The following MED27 variants were observed in gnomAD, a reference collection of about 807,000 sequenced individuals.
MED27 encodes the protein mediator of RNA polymerase II transcription subunit 27.
MED27 carries 30 observed loss-of-function variants against 38.2 expected under a neutral mutation model. The observed-to-expected ratio is 0.79, with a 90% confidence interval of 0.59 to 1.07. MED27 has a LOEUF of 1.07. MED27 is among the 50% of genes least tolerant of loss of function. MED27 has a pLI of 0.00. For missense variants in MED27, 289 were observed against 397.5 expected, an observed-to-expected ratio of 0.73 and a Z score of 2.32; for synonymous variants, 122 against 153.5, an observed-to-expected ratio of 0.79 and a Z score of 1.52.
At chr9:132,019,823 T>G (rs1255095486) in intron 2 of MED27, among the ~76,000 whole-genome samples, 1 of 152,228 alleles carries the variant, frequency 6.6e-6, no homozygotes, top group East Asian at 1.9e-4. Context: ...CCCCCCTGGA[T>G]GAGAGCTGGC....
rs574054340 is a variant in MED27, at chr9:131,860,792, C to G, written c.802-120G>C. Reference sequence around the variant, plus strand: ...GTTGGCTTTGGCCCCAGAAGATGCCCTGTGATTTCACAGGGAGCAGCAGGC... The same window carrying G: ...GTTGGCTTTGGCCCCAGAAGATGCCGTGTGATTTCACAGGGAGCAGCAGGC... On this transcript the variant is annotated intron_variant, in intron 7 of 7. Coordinates refer to ENST00000292035, the MANE Select transcript of MED27 (RefSeq NM_004269.4). This position sits in a 1 kb window ranked among gnomAD's most constrained non-coding sequence, Gnocchi z 5.8. 6.1e-6 allele frequency: 7 copies of G among 1,156,224 alleles called. No individual in the cohort carries two copies. The highest frequency in any genetic ancestry group is 5.9e-5 in the South Asian group (4 of 67,336). 71.6% of individuals were successfully genotyped at this position (1,156,224 alleles called of 1,614,324 possible).
rs1289170194 is a variant in MED27, at chr9:131,862,823, T to C, written c.801+240A>G. On this transcript the variant is annotated intron_variant, in intron 7 of 7. Coordinates refer to ENST00000292035, the MANE Select transcript of MED27 (RefSeq NM_004269.4). This position sits in a 1 kb window ranked among gnomAD's most constrained non-coding sequence, Gnocchi z 4.6. Reference sequence around the variant, plus strand: ...TCAATGCTGGAACTATTTTGGAAGATCATTTCTGAAACCACCGCTTTTTCA... The same window carrying C: ...TCAATGCTGGAACTATTTTGGAAGACCATTTCTGAAACCACCGCTTTTTCA... Among the ~76,000 whole-genome samples, 1 of 152,144 alleles carries C rather than the reference T, an allele frequency of 6.6e-6. No homozygotes were observed. Among genetic ancestry groups the C allele is most frequent in the African/African-American group, 2.4e-5 (1 of 41,438 alleles).
chr9:132,054,004 A>G (rs553846180), intron 2 of MED27, among the ~76,000 whole-genome samples: 1 of 152,318 alleles, frequency 6.6e-6, no homozygotes, highest in African/African-American at 2.4e-5. Flanking sequence ...CAGAAAAAAA[A>G]AATCTGCTTA....
chr9:132,045,413 TACACACACACACAC>T (rs61360267), intron 2 of MED27, among the ~76,000 whole-genome samples: 14 of 144,494 alleles, frequency 9.7e-5, no homozygotes, highest in South Asian at 4.6e-4. Context: ...AAGAGGAAAT[TACACACACACACAC>T]ACACACACAC....
intron 3 of MED27, among the ~76,000 whole-genome samples, chr9:131,981,685 A>G (rs1308456540): frequency 1.3e-5 from 2 of 152,218 alleles, no homozygotes; most frequent in Non-Finnish European, 2.9e-5. Context: ...ACAATTGCAG[A>G]GCAAAGCCAG....
In MED27 at chr9:131,913,444, T is replaced by C. The variant is rs967697280; in HGVS notation, c.574-19452A>G. Among the ~76,000 whole-genome samples the C allele has an allele frequency of 5.9e-5, 9 of 152,140 alleles. No homozygotes were observed. The highest frequency in any genetic ancestry group is 2.2e-4 in the African/African-American group (9 of 41,418). ...GTGAGTGTGAACATCAAATAAATAATCATAAGCATATAGTAAGGGGTCAAA... is the reference window on the plus strand; with the variant it reads ...GTGAGTGTGAACATCAAATAAATAACCATAAGCATATAGTAAGGGGTCAAA... On this transcript the variant is annotated intron_variant, in intron 4 of 7. Coordinates refer to ENST00000292035, the MANE Select transcript of MED27 (RefSeq NM_004269.4). This position sits in a 1 kb window ranked among gnomAD's most constrained non-coding sequence, Gnocchi z 4.5.
At chr9:131,936,652 G>C (rs987693074) in intron 4 of MED27, among the ~76,000 whole-genome samples, 5 of 152,236 alleles carry the variant, frequency 3.3e-5, no homozygotes, top group African/African-American at 1.2e-4. Context: ...AAAAAACGTT[G>C]TCCTGATCTT....
At chr9:132,030,507 C>T (rs751220366) in intron 2 of MED27, among the ~76,000 whole-genome samples, 1 of 152,102 alleles carries the variant, frequency 6.6e-6, no homozygotes, top group Non-Finnish European at 1.5e-5. Context: ...TTCTCCCTCC[C>T]GCGACATAAT....
chr9:132,050,142 G>A (rs1297070596), intron 2 of MED27, among the ~76,000 whole-genome samples: 8 of 152,164 alleles, frequency 5.3e-5, no homozygotes, highest in Non-Finnish European at 1.0e-4. Flanking sequence ...CAGCTGGGTG[G>A]GTGTGGTCAA....
chr9:132,073,541 A>G, intron 2 of MED27: 1 of 1,359,116 alleles, frequency 7.4e-7, no homozygotes, highest in Non-Finnish European at 9.4e-7. Flanking sequence ...CTGCGTTGCA[A>G]TGTAAAACGA....
At chr9:131,910,957 G>A (rs1257245694) in intron 4 of MED27, among the ~76,000 whole-genome samples, 1 of 151,750 alleles carries the variant, frequency 6.6e-6, no homozygotes, top group Non-Finnish European at 1.5e-5. Context: ...TAGTATTAAT[G>A]CTCTTCATAT....
rs527842072 is a variant in MED27 at position 131,936,673 on chromosome 9, T to A, written c.573+2708A>T. ...CGTTGTCCTGATCTTGTTCCTGACA[T>A]GCCTGGAGCTACTCTGGTTTTTGTC... is the stretch of plus-strand genomic sequence containing the variant. On this transcript the variant is annotated intron_variant, in intron 4 of 7. Coordinates refer to ENST00000292035, the MANE Select transcript of MED27 (RefSeq NM_004269.4). Among the ~76,000 whole-genome samples the A allele has an allele frequency of 9.1e-4, 138 of 152,352 alleles. 1 individual carries two copies. Among genetic ancestry groups the A allele is most frequent in the Admixed American group, 2.7e-3 (42 of 15,308 alleles).
intron 2 of MED27, among the ~76,000 whole-genome samples, chr9:132,017,887 T>C (rs1350052982): frequency 6.6e-6 from 1 of 152,224 alleles, no homozygotes; most frequent in African/African-American, 2.4e-5. Flanking sequence ...GAAAGACCAA[T>C]TAAAATTAGG....
intron 2 of MED27, among the ~76,000 whole-genome samples, chr9:132,043,972 T>C (rs1043810551): frequency 1.3e-5 from 2 of 152,214 alleles, no homozygotes; most frequent in Non-Finnish European, 2.9e-5. Context: ...GTCAACTGTG[T>C]CAACTGGCAG....
At chr9:132,005,618 A>G (rs1432983116) in intron 3 of MED27, among the ~76,000 whole-genome samples, 5 of 152,204 alleles carry the variant, frequency 3.3e-5, no homozygotes, top group Non-Finnish European at 7.3e-5. Flanking sequence ...CTTGAAATTC[A>G]TTGTATCCCT....
chr9:132,041,071 C>T (rs1339875270), intron 2 of MED27, among the ~76,000 whole-genome samples: 5 of 151,952 alleles, frequency 3.3e-5, no homozygotes, highest in South Asian at 4.2e-4. Context: ...AGAAGAAGAG[C>T]AGAAGGGAAG....
At position 131,972,232 on chromosome 9, in the gene MED27, C is replaced by T. The variant is rs116072113; in HGVS notation, c.480-32758G>A. Among the ~76,000 whole-genome samples, 1,328 of 152,098 alleles carry T rather than the reference C, an allele frequency of 8.7e-3. 20 individuals are homozygous for T. The highest frequency in any genetic ancestry group is 0.031 in the African/African-American group (1,268 of 41,486). ...CTTTTCCCTACATGGAAAGTGAGGTCAAATTTCATATTCCAATTTACAGTT... is the reference window on the plus strand; with the variant it reads ...CTTTTCCCTACATGGAAAGTGAGGTTAAATTTCATATTCCAATTTACAGTT... On this transcript the variant is annotated intron_variant, in intron 3 of 7. Transcript: ENST00000292035.
intron 3 of MED27, among the ~76,000 whole-genome samples, chr9:131,967,274 G>A (rs1055639438): frequency 2.6e-5 from 4 of 152,062 alleles, no homozygotes; most frequent in Non-Finnish European, 4.4e-5. Flanking sequence ...TACAATTTTC[G>A]GAACTGTACC....
chr9:131,990,274 C>T (rs1181667304), intron 3 of MED27, among the ~76,000 whole-genome samples: 2 of 152,190 alleles, frequency 1.3e-5, no homozygotes, highest in African/African-American at 2.4e-5. Flanking sequence ...ACCTGAGGCT[C>T]ATCTCCATCA....
Sources: allele counts gnomAD v4.1 joint callset (sites outside exome capture counted in the v4.1 genomes callset), GRCh38; gene constraint gnomAD v4.1.1; non-coding constraint Gnocchi (gnomAD v3.1); transcripts MANE v1.5; gene names NCBI Gene and HGNC (gene_info 2026-07-23, HGNC 2026-07-21).